SLC41A2: variants seen among roughly 807,000 people sequenced by gnomAD.
The protein encoded by SLC41A2 is solute carrier family 41 member 2.
SLC41A2 carries 32 observed loss-of-function variants against 58.3 expected under a neutral mutation model. The ratio of observed to expected loss-of-function variants is 0.55; its 90% CI spans 0.41 to 0.74. The LOEUF (loss-of-function observed/expected upper bound fraction) is 0.74. SLC41A2 is among the 30% of genes least tolerant of loss of function. SLC41A2 has a pLI of 0.00. For synonymous variants in SLC41A2, 190 were observed against 235.0 expected, an observed-to-expected ratio of 0.81 and a Z score of 1.75; for missense variants, 514 against 680.6, an observed-to-expected ratio of 0.76 and a Z score of 2.72.
At chr12:104,872,949 A>T (rs1344629218) in intron 6 of SLC41A2, among the ~76,000 whole-genome samples, 1 of 152,206 alleles carries the variant, frequency 6.6e-6, no homozygotes, top group Non-Finnish European at 1.5e-5. Flanking sequence ...ATGGTTAGAT[A>T]TATAGTTAAG....
intron 2 of SLC41A2, among the ~76,000 whole-genome samples, chr12:104,917,703 T>A (rs900719008): frequency 4.0e-5 from 6 of 151,588 alleles, no homozygotes; most frequent in African/African-American, 1.5e-4. Context: ...GAAATCATTC[T>A]TAGTAAATAT....
intron 10 of SLC41A2, chr12:104,834,248 A>G: frequency 2.3e-6 from 2 of 869,364 alleles, no homozygotes; most frequent in Non-Finnish European, 2.8e-6. Context: ...AACCTAAGCT[A>G]TAATAGCATA....
At chr12:104,907,739 C>T (rs2045914599) in intron 3 of SLC41A2, among the ~76,000 whole-genome samples, 1 of 152,180 alleles carries the variant, frequency 6.6e-6, no homozygotes, top group African/African-American at 2.4e-5. Flanking sequence ...TACTCAACTG[C>T]TCTAAGCCTC....
rs560428000 is a variant in SLC41A2 at position 104,865,977 on chromosome 12, T to C, written c.1175+455A>G. 3.3e-5 allele frequency among the ~76,000 whole-genome samples: 5 copies of C among 152,274 alleles called. No individual in the cohort carries two copies. In the East Asian group the frequency reaches 9.6e-4, roughly 29 times the overall value. ...CAGCTAAATCTTTTACATATGTCCT[T>C]AATTACATCTTTAAGGTCATCAGAG... On this transcript the variant is annotated intron_variant, in intron 7 of 10. Transcript: ENST00000258538.
intron 6 of SLC41A2, among the ~76,000 whole-genome samples, chr12:104,878,299 T>TTATATATATATA (rs55670022): frequency 1.0e-3 from 143 of 139,894 alleles, no homozygotes; most frequent in Middle Eastern, 7.5e-3. Context: ...TACCTGTATT[T>TTATATATATATA]TATATATATA....
At chr12:104,932,023 T>C (rs943427769) in intron 1 of SLC41A2, among the ~76,000 whole-genome samples, 2 of 152,218 alleles carry the variant, frequency 1.3e-5, no homozygotes, top group Non-Finnish European at 2.9e-5. Flanking sequence ...AGGAATGACC[T>C]TGATACAAGT....
chr12:104,814,860 T>C (rs2041324137), intron 10 of SLC41A2, among the ~76,000 whole-genome samples: 1 of 152,244 alleles, frequency 6.6e-6, no homozygotes, highest in Non-Finnish European at 1.5e-5. Context: ...TAACCAGTTA[T>C]ATTTGTCACT....
chr12:104,884,980 A>G (rs1264831532), intron 6 of SLC41A2, among the ~76,000 whole-genome samples: 1 of 152,200 alleles, frequency 6.6e-6, no homozygotes, highest in Non-Finnish European at 1.5e-5. Context: ...CATCCAAACA[A>G]TACAAATTAG....
In SLC41A2 at chr12:104,888,901, T is replaced by C. The variant is rs1410979185; in HGVS notation, c.880+132A>G. 3.2e-6 allele frequency: 3 copies of C among 951,394 alleles called. No homozygotes were observed. In the African/African-American group the frequency reaches 5.2e-5, roughly 17 times the overall value. The allele number at this position is 951,394 out of a possible 1,614,324, so 58.9% of individuals were successfully genotyped here. ...AAATATATCTGGAATAACTAAGGCA[T>C]TTTTTAAGTTTGTAGATATGTTTTT... On this transcript the variant is annotated intron_variant, in intron 5 of 10. Transcript: ENST00000258538.
chr12:104,899,792 C>A (rs2135725626), intron 3 of SLC41A2, among the ~76,000 whole-genome samples: 1 of 152,276 alleles, frequency 6.6e-6, no homozygotes, highest in East Asian at 1.9e-4. Context: ...GCATAGGTCA[C>A]AGAAGACACT....
At chr12:104,825,048 T>A (rs2041789014) in intron 10 of SLC41A2, among the ~76,000 whole-genome samples, 1 of 152,114 alleles carries the variant, frequency 6.6e-6, no homozygotes, top group South Asian at 2.1e-4. Context: ...TCTCTCTCTC[T>A]CACATGGTTT....
At chr12:104,873,946 C>T (rs1355606075) in intron 6 of SLC41A2, among the ~76,000 whole-genome samples, 1 of 152,028 alleles carries the variant, frequency 6.6e-6, no homozygotes, top group Non-Finnish European at 1.5e-5. Flanking sequence ...ACATATGGTT[C>T]ACAAATATCT....
chr12:104,905,690 G>T (rs1033640576), intron 3 of SLC41A2, among the ~76,000 whole-genome samples: 59 of 152,372 alleles, frequency 3.9e-4, no homozygotes, highest in Admixed American at 1.3e-3. Flanking sequence ...GCGAGAAATC[G>T]AGCGCAGCGC....
chr12:104,947,583 A>G (rs1039589289), intron 1 of SLC41A2, among the ~76,000 whole-genome samples: 3 of 152,034 alleles, frequency 2.0e-5, no homozygotes, highest in Non-Finnish European at 4.4e-5. Context: ...CATATTTTAT[A>G]TAACTTATCC....
In SLC41A2 at chr12:104,847,060, G is replaced by A. The variant is rs189274722; in HGVS notation, c.1256-1086C>T. 4.4e-4 allele frequency among the ~76,000 whole-genome samples: 67 copies of A among 152,202 alleles called. 1 individual carries two copies. Among genetic ancestry groups the A allele is most frequent in the African/African-American group, 1.6e-3 (66 of 41,538 alleles). ...AGAGCCAGACCCAGAGATGAATCGGGTGTTGAAACCATCCAACAAGGAATT... is the reference window on the plus strand; with the variant it reads ...AGAGCCAGACCCAGAGATGAATCGGATGTTGAAACCATCCAACAAGGAATT... On this transcript the variant is annotated intron_variant, in intron 8 of 10. Coordinates refer to ENST00000258538, the MANE Select transcript of SLC41A2 (RefSeq NM_001352171.3).
intron 10 of SLC41A2, among the ~76,000 whole-genome samples, chr12:104,815,171 C>T (rs1052664987): frequency 6.6e-6 from 1 of 152,188 alleles, no homozygotes; most frequent in Non-Finnish European, 1.5e-5. Flanking sequence ...TTCCTTGGAA[C>T]TCTGTGTGTA....
chr12:104,883,758 T>C (rs2044508555), intron 6 of SLC41A2, among the ~76,000 whole-genome samples: 2 of 152,234 alleles, frequency 1.3e-5, no homozygotes, highest in Admixed American at 1.3e-4. Context: ...AGTTGGCCCC[T>C]ACTGGGAGAT....
intron 10 of SLC41A2, among the ~76,000 whole-genome samples, chr12:104,844,044 C>T (rs1392478467): frequency 6.6e-6 from 1 of 152,140 alleles, no homozygotes. Flanking sequence ...GAATCCATCT[C>T]TTAAGGGATT....
intron 6 of SLC41A2, among the ~76,000 whole-genome samples, chr12:104,880,738 T>C (rs1419645847): frequency 6.6e-6 from 1 of 152,222 alleles, no homozygotes; most frequent in Non-Finnish European, 1.5e-5. Flanking sequence ...TTGAGGATTT[T>C]TGTGTCAATG....
Sources: gnomAD v4.1 joint callset for allele counts (sites outside exome capture counted in the v4.1 genomes callset) on GRCh38, gnomAD v4.1.1 for gene constraint, MANE v1.5 for transcripts, NCBI Gene and HGNC (gene_info 2026-07-23, HGNC 2026-07-21) for gene names.